LRP1B: variants seen among roughly 807,000 people sequenced by gnomAD.
LRP1B encodes low-density lipoprotein receptor-related protein 1B.
A neutral mutation model predicts 556.6 loss-of-function variants in LRP1B; 217 were observed. The observed-to-expected ratio is 0.39, with a 90% CI of 0.35 to 0.44. LRP1B has a LOEUF of 0.44. LRP1B is among the 20% of genes least tolerant of loss of function. LRP1B has a pLI of 1.00. For synonymous variants in LRP1B, 2,047 were observed against 1,865.8 expected, an observed-to-expected ratio of 1.10 and a Z score of -2.50; for missense variants, 5,053 against 5,620.8, an observed-to-expected ratio of 0.90 and a Z score of 3.23.
intron 2 of LRP1B, among the ~76,000 whole-genome samples, chr2:141,629,532 T>C (rs1048953682): frequency 1.3e-5 from 2 of 152,200 alleles, no homozygotes; most frequent in African/African-American, 2.4e-5. Flanking sequence ...GGATACTTTA[T>C]AAATACATGT....
chr2:140,983,260 G>A (rs1036005624), intron 17 of LRP1B, among the ~76,000 whole-genome samples: 1 of 151,972 alleles, frequency 6.6e-6, no homozygotes, highest in Middle Eastern at 3.4e-3. Context: ...CATTGGACTA[G>A]AGAAAAAAAT....
At chr2:140,481,659 C>T (rs1688253193) in intron 59 of LRP1B, among the ~76,000 whole-genome samples, 1 of 150,068 alleles carries the variant, frequency 6.7e-6, no homozygotes, top group Non-Finnish European at 1.5e-5. Context: ...ACAAACTGAT[C>T]ATTTCACTTT....
At chr2:141,963,122 A>G in intron 1 of LRP1B, among the ~76,000 whole-genome samples, 1 of 151,886 alleles carries the variant, frequency 6.6e-6, no homozygotes, top group East Asian at 1.9e-4. Flanking sequence ...TAAAACTTAT[A>G]TATTTATCAA....
intron 7 of LRP1B, among the ~76,000 whole-genome samples, chr2:141,126,438 T>C (rs114996890): frequency 0.024 from 3,582 of 152,274 alleles, 150 homozygotes; most frequent in African/African-American, 0.082. Flanking sequence ...ATTATTTTCC[T>C]TCCCTTGTCT....
chr2:141,478,061 C>T (rs748193635), intron 3 of LRP1B, among the ~76,000 whole-genome samples: 1 of 151,998 alleles, frequency 6.6e-6, no homozygotes, highest in African/African-American at 2.4e-5. Flanking sequence ...GCATAAACAA[C>T]TACATACTAG....
chr2:140,306,200 A>G (rs1684058420), intron 83 of LRP1B, among the ~76,000 whole-genome samples: 1 of 151,244 alleles, frequency 6.6e-6, no homozygotes, highest in African/African-American at 2.4e-5. Flanking sequence ...CTCTTTTTCT[A>G]TTGATTGGAA....
intron 20 of LRP1B, among the ~76,000 whole-genome samples, chr2:140,939,306 T>C (rs948152936): frequency 5.9e-5 from 9 of 151,828 alleles, no homozygotes; most frequent in East Asian, 3.9e-4. Context: ...AATGAATGAA[T>C]GCATGAATGA....
At chr2:140,966,667 T>C (rs1050585923) in intron 18 of LRP1B, among the ~76,000 whole-genome samples, 1 of 152,242 alleles carries the variant, frequency 6.6e-6, no homozygotes, top group Non-Finnish European at 1.5e-5. Context: ...AGAGTTTTTA[T>C]GGTTTTAAGT....
intron 5 of LRP1B, among the ~76,000 whole-genome samples, chr2:141,235,533 A>G (rs1337631590): frequency 6.6e-6 from 1 of 152,150 alleles, no homozygotes; most frequent in Non-Finnish European, 1.5e-5. Context: ...CAAGAATTCA[A>G]TATGCAGAGA....
rs1685691837 is a variant in LRP1B at position 141,549,988 on chromosome 2, C to T, written c.206-69455G>A. On this transcript the variant is annotated intron_variant, in intron 2 of 90. Transcript: ENST00000389484. ...CCAGACTGGGTGACAGAGCAAGACCCTGTCTCGGAAAAAGAAAAAGAAACA... is the reference window on the plus strand; with the variant it reads ...CCAGACTGGGTGACAGAGCAAGACCTTGTCTCGGAAAAAGAAAAAGAAACA... Among the ~76,000 whole-genome samples, 7 of 152,164 alleles carry T rather than the reference C, an allele frequency of 4.6e-5. No individual in the cohort carries two copies. In the South Asian group the frequency reaches 1.4e-3, roughly 31 times the overall value.
At chr2:140,347,104 C>T (rs1038167433) in intron 77 of LRP1B, among the ~76,000 whole-genome samples, 24 of 151,308 alleles carry the variant, frequency 1.6e-4, no homozygotes, top group Admixed American at 1.1e-3. Flanking sequence ...CTTTATAGTG[C>T]TTCCCCTCAT....
At chr2:140,542,460 GT>G (rs1220293694) in intron 43 of LRP1B, among the ~76,000 whole-genome samples, 5 of 152,108 alleles carry the variant, frequency 3.3e-5, no homozygotes, top group Non-Finnish European at 7.4e-5. Context: ...GAGAATAAAA[GT>G]TTAGAAGTAA....
chr2:142,074,105 C>T (rs1371912034), intron 1 of LRP1B, among the ~76,000 whole-genome samples: 1 of 152,054 alleles, frequency 6.6e-6, no homozygotes, highest in Non-Finnish European at 1.5e-5. Flanking sequence ...CGCAAACTTT[C>T]AACCAGGGAG....
At chr2:140,906,975 A>AC (rs1193713446) in intron 22 of LRP1B, among the ~76,000 whole-genome samples, 1 of 151,568 alleles carries the variant, frequency 6.6e-6, no homozygotes, top group Non-Finnish European at 1.5e-5. Context: ...CATATGGTAA[A>AC]AAAAAAAAAA....
At chr2:142,117,278 C>T (rs1323294605) in intron 1 of LRP1B, among the ~76,000 whole-genome samples, 4 of 152,112 alleles carry the variant, frequency 2.6e-5, no homozygotes, top group African/African-American at 9.7e-5. Context: ...TCTGCATCCA[C>T]GTTCTCTCCC....
At chr2:142,127,596 C>G (rs1383426986) in intron 1 of LRP1B, among the ~76,000 whole-genome samples, 1 of 151,914 alleles carries the variant, frequency 6.6e-6, no homozygotes, top group East Asian at 1.9e-4. Flanking sequence ...AGAACAAATT[C>G]AAAGATTAGC....
chr2:140,822,537 A>G (rs1691362871), intron 31 of LRP1B, among the ~76,000 whole-genome samples: 1 of 152,258 alleles, frequency 6.6e-6, no homozygotes, highest in Admixed American at 6.5e-5. Flanking sequence ...TATCAGTGGC[A>G]TTGCCATTTC....
rs565268834 is a variant in LRP1B, at chr2:141,658,261, C to G, written c.205+152018G>C. ...CACACCACATAGAGACAATAATAAA[C>G]TGGTACAGGAATTGTATCTGACAGC... On this transcript the variant is annotated intron_variant, in intron 2 of 90. Coordinates refer to ENST00000389484, the MANE Select transcript of LRP1B (RefSeq NM_018557.3). Among the ~76,000 whole-genome samples, 5 of 152,306 alleles carry G rather than the reference C, an allele frequency of 3.3e-5. No individual in the cohort carries two copies. The East Asian group carries it at 9.6e-4, about 29-fold the overall frequency.
At chr2:141,150,242 AG>A (rs1455759033) in intron 7 of LRP1B, among the ~76,000 whole-genome samples, 2 of 152,214 alleles carry the variant, frequency 1.3e-5, no homozygotes, top group Non-Finnish European at 2.9e-5. Context: ...CACACTTGTC[AG>A]TGCTCTTAAC....
Sources: allele counts gnomAD v4.1 joint callset (sites outside exome capture counted in the v4.1 genomes callset), GRCh38; gene constraint gnomAD v4.1.1; transcripts MANE v1.5; gene names NCBI Gene and HGNC (gene_info 2026-07-23, HGNC 2026-07-21).